Variants in CYTH1 observed in about 807,000 individuals in gnomAD.
CYTH1 encodes the protein cytohesin 1, also known as cytohesin-1.
CYTH1 carries 18 observed loss-of-function variants against 61.8 expected under a neutral mutation model. The ratio of observed to expected loss-of-function variants is 0.29; its 90% CI spans 0.20 to 0.43. CYTH1 has a LOEUF of 0.43. Among genes scored for constraint, CYTH1 ranks in the 20% least tolerant of loss-of-function variants. CYTH1 has a pLI of 1.00. For synonymous variants in CYTH1, 174 were observed against 184.3 expected (o/e 0.94, Z 0.45); for missense variants, 336 against 510.5 (o/e 0.66, Z 3.29).
rs1016225346 is a variant in CYTH1 at position 78,717,811 on chromosome 17, T to A, written c.23-8079A>T. 6.6e-6 allele frequency among the ~76,000 whole-genome samples: 1 copy of A among 152,172 alleles called. No homozygotes were observed. The highest frequency in any genetic ancestry group is 1.5e-5 in the Non-Finnish European group (1 of 68,034). On this transcript the variant is annotated intron_variant, in intron 1 of 13. Coordinates refer to ENST00000446868, the MANE Select transcript of CYTH1 (RefSeq NM_004762.6). This position sits in a 1 kb window ranked among gnomAD's most constrained non-coding sequence, Gnocchi z 4.4. ...CTAAATCCCCGTGGGTACCGTCAAA[T>A]GAACGTGTCCAAGGCATGCTTTAGG... is the stretch of plus-strand genomic sequence containing the variant.
At chr17:78,729,686 C>G (rs1459245376) in intron 1 of CYTH1, among the ~76,000 whole-genome samples, 2 of 152,170 alleles carry the variant, frequency 1.3e-5, no homozygotes, top group African/African-American at 4.8e-5. Flanking sequence ...AAATTTTAAA[C>G]TACCTAAAAA....
At chr17:78,761,969 A>G (rs891706711) in intron 1 of CYTH1, among the ~76,000 whole-genome samples, 1 of 152,232 alleles carries the variant, frequency 6.6e-6, no homozygotes, top group African/African-American at 2.4e-5. Flanking sequence ...TTGAAAGAGT[A>G]ACAGCATCTG....
chr17:78,740,698 T>C (rs2093338751), intron 1 of CYTH1, among the ~76,000 whole-genome samples: 1 of 152,246 alleles, frequency 6.6e-6, no homozygotes. Context: ...CACTCATAAG[T>C]GACCATATAA....
chr17:78,693,467 T>A (rs1329093354), intron 10 of CYTH1, among the ~76,000 whole-genome samples: 3 of 151,464 alleles, frequency 2.0e-5, no homozygotes, highest in Non-Finnish European at 4.4e-5. Context: ...ACTAAAAGTA[T>A]AAAAATTAGC....
chr17:78,749,328 T>TAGGC (rs1255991595), intron 1 of CYTH1, among the ~76,000 whole-genome samples: 3 of 152,000 alleles, frequency 2.0e-5, no homozygotes, highest in African/African-American at 7.2e-5. Flanking sequence ...GGCATGGTGG[T>TAGGC]AGGCACCTGT....
intron 1 of CYTH1, among the ~76,000 whole-genome samples, chr17:78,739,774 G>A (rs567620783): frequency 4.1e-4 from 62 of 152,110 alleles, no homozygotes; most frequent in Non-Finnish European, 6.8e-4. Flanking sequence ...CAGGTGAGAC[G>A]GGTTGGCGGC....
chr17:78,718,152 A>G (rs1400335431), intron 1 of CYTH1, among the ~76,000 whole-genome samples: 1 of 150,704 alleles, frequency 6.6e-6, no homozygotes, highest in Non-Finnish European at 1.5e-5. Context: ...CCTGCTGCCA[A>G]CGGGTGCCCT....
Position 78,697,409 on chromosome 17 carries a change from T to G in CYTH1, c.811+860A>C, listed in dbSNP as rs148342557. ...TGAAACCATTAATAAAGTAAACACATGTGGACATGAATGTGTATGAAAACC... is the reference window on the plus strand; with the variant it reads ...TGAAACCATTAATAAAGTAAACACAGGTGGACATGAATGTGTATGAAAACC... On this transcript the variant is annotated intron_variant, in intron 9 of 13. Coordinates refer to ENST00000446868, the MANE Select transcript of CYTH1 (RefSeq NM_004762.6). Among the ~76,000 whole-genome samples the G allele has an allele frequency of 2.0e-5, 3 of 150,796 alleles. No homozygotes were observed. The East Asian group carries it at 5.9e-4, about 30-fold the overall frequency.
chr17:78,708,424 A>G (rs536066135), intron 2 of CYTH1, among the ~76,000 whole-genome samples, 163 bp from the exon 3 acceptor site: 1 of 152,394 alleles, frequency 6.6e-6, no homozygotes, highest in Non-Finnish European at 1.5e-5. Flanking sequence ...CATGTTTCAG[A>G]AATATTTATT....
intron 4 of CYTH1, 25 bp downstream of exon 4, chr17:78,702,513 C>G (rs371408433): frequency 4.0e-4 from 639 of 1,612,200 alleles, no homozygotes; most frequent in Non-Finnish European, 5.3e-4. Context: ...TAATATGGAC[C>G]ACTTCCCGCT....
Position 78,760,530 on chromosome 17 carries a change from TAC to T in CYTH1, c.22+21670_22+21671del, listed in dbSNP as rs1350469199. Among the ~76,000 whole-genome samples, 82 of 36,364 alleles carry T rather than the reference TAC, an allele frequency of 2.3e-3. 16 individuals are homozygous for T. The highest frequency in any genetic ancestry group is 6.8e-3 in the African/African-American group (68 of 10,008). The allele number at this position is 36,364 out of a possible 152,430, so 23.9% of individuals were successfully genotyped here. A position where few individuals can be genotyped will look rare whatever the true frequency, so the allele number is the denominator to read the frequency against. ...ATGTATATATATGTATATATATATATACATACATATATATGTATATATATATG... is the reference window on the plus strand; with the variant it reads ...ATGTATATATATGTATATATATATATATACATATATATGTATATATATATG... On this transcript the variant is annotated intron_variant, in intron 1 of 13. Coordinates refer to ENST00000446868, the MANE Select transcript of CYTH1 (RefSeq NM_004762.6).
chr17:78,680,966 C>T lies in CYTH1; in HGVS notation c.963+5G>A. 1 of 1,613,954 alleles carries T rather than the reference C, an allele frequency of 6.2e-7. No individual in the cohort carries two copies. The highest frequency in any genetic ancestry group is 8.5e-7 in the Non-Finnish European group (1 of 1,179,928). Reference sequence around the variant, plus strand: ...CCCTCAAAATATCTCAGCAAAAATACTCACTGGTTTTTTGGAGTCCTCCAC... The same window carrying T: ...CCCTCAAAATATCTCAGCAAAAATATTCACTGGTTTTTTGGAGTCCTCCAC... On this transcript the variant is annotated splice_donor_5th_base_variant and intron_variant, in intron 12 of 13. Transcript: ENST00000446868.
intron 3 of CYTH1, 34 bp from the exon 4 acceptor site, chr17:78,702,638 T>G (rs2093023967): frequency 6.2e-7 from 1 of 1,605,340 alleles, no homozygotes; most frequent in African/African-American, 1.3e-5. Context: ...TTTTAGTACT[T>G]CAGGCCATCG....
At position 78,709,683 on chromosome 17, in the gene CYTH1, T is replaced by C. The variant is rs142596138; in HGVS notation, c.72A>G (p.Arg24=). ...AEERQELENI[R]RRKQELLADI... ...CAGCCAGCAGCTCCTGTTTTCTCCG[T>C]CGGATGTTCTCCAGTTCTTGACGCT... The change falls in exon 2 of 14, where the codon CGA becomes CGG. Residue 24 remains arginine (R), a synonymous_variant. Transcript: ENST00000446868. 1.3e-4 allele frequency: 216 copies of C among 1,614,230 alleles called. 1 individual carries two copies. The African/African-American group carries it at 2.5e-3, about 19-fold the overall frequency.
intron 1 of CYTH1, among the ~76,000 whole-genome samples, chr17:78,753,974 T>C (rs1047622475): frequency 3.3e-5 from 5 of 152,254 alleles, no homozygotes; most frequent in Middle Eastern, 3.4e-3. Context: ...TGAGTGGTAA[T>C]GACATCATCA....
At chr17:78,694,897 A>G (rs1567835628) in intron 10 of CYTH1, among the ~76,000 whole-genome samples, 1 of 152,116 alleles carries the variant, frequency 6.6e-6, no homozygotes, top group Non-Finnish European at 1.5e-5. Flanking sequence ...TTCCACGTGG[A>G]AAGAAAAGCA....
At chr17:78,695,539 CAA>C (rs1271936298) in intron 10 of CYTH1, among the ~76,000 whole-genome samples, 1 of 152,114 alleles carries the variant, frequency 6.6e-6, no homozygotes, top group African/African-American at 2.4e-5. Flanking sequence ...TTTGGGAAGT[CAA>C]GACTTTGTTC....
At chr17:78,745,892 A>T (rs1348423877) in intron 1 of CYTH1, among the ~76,000 whole-genome samples, 1 of 150,676 alleles carries the variant, frequency 6.6e-6, no homozygotes, top group African/African-American at 2.5e-5. Flanking sequence ...CTCTGTCTCA[A>T]AAAAAAGAAA....
intron 2 of CYTH1, chr17:78,709,164 C>T (rs1436749665): frequency 1.3e-5 from 2 of 155,360 alleles, no homozygotes; most frequent in Admixed American, 1.3e-4. Context: ...GTCTTTCATG[C>T]TAAGTCCTTC....
Sources: allele counts gnomAD v4.1 joint callset (sites outside exome capture counted in the v4.1 genomes callset), GRCh38; gene constraint gnomAD v4.1.1; non-coding constraint Gnocchi (gnomAD v3.1); transcripts MANE v1.5; gene names NCBI Gene and HGNC (gene_info 2026-07-23, HGNC 2026-07-21).